The following OTC variants were observed in gnomAD, a reference collection of about 807,000 sequenced individuals.
The protein encoded by OTC is ornithine transcarbamylase, also known as ornithine transcarbamylase, mitochondrial.
In OTC, 3 loss-of-function variants were observed where a neutral mutation model predicts 30.3. The observed-to-expected ratio is 0.10, with a 90% confidence interval of 0.05 to 0.26. The LOEUF (loss-of-function observed/expected upper bound fraction) is 0.26. Ranked by LOEUF, OTC falls within the 10% of genes least tolerant of loss-of-function variation. OTC has a pLI of 1.00. For missense variants in OTC, 194 were observed against 260.3 expected (o/e 0.75, Z 1.75); for synonymous variants, 111 against 99.7 (o/e 1.11, Z -0.67).
intron 1 of OTC, among the ~76,000 whole-genome samples, chrX:38,362,233 C>T (rs1275144131): frequency 9.0e-6 from 1 of 111,627 alleles, no homozygotes; most frequent in African/African-American, 3.3e-5. Flanking sequence ...CTATAGTTAA[C>T]AATATGGTGT....
chrX:38,414,339 G>A (rs1406347563), intron 9 of OTC, among the ~76,000 whole-genome samples: 8 of 111,835 alleles, frequency 7.2e-5, no homozygotes, highest in Non-Finnish European at 1.3e-4. Context: ...TATTCACATG[G>A]TTGAAATATT....
At chrX:38,336,523 T>TA in the OTC span, among the ~76,000 whole-genome samples, 4 of 106,052 alleles carry the variant, frequency 3.8e-5, no homozygotes, top group South Asian at 1.3e-3. Flanking sequence ...AGCTCAAAAA[T>TA]AAAAAAAATA....
chrX:38,332,502 TTTTATATATATATATATATA>T, the OTC span, among the ~76,000 whole-genome samples: 8 of 16,436 alleles, frequency 4.9e-4, 1 homozygote, highest in African/African-American at 2.1e-3. Context: ...TAGCCCTAGA[TTTTATATATATATATATATA>T]TATATATATA....
chrX:38,368,388 C>G (rs2068307655), intron 2 of OTC, among the ~76,000 whole-genome samples: 1 of 110,481 alleles, frequency 9.1e-6, no homozygotes, highest in African/African-American at 3.3e-5. Context: ...CCTTTTTTTC[C>G]AAGTGACAAA....
In OTC at chrX:38,387,284, A is replaced by G. The variant is rs1416521607; in HGVS notation, c.386+5855A>G. Reference sequence around the variant, plus strand: ...CTGTTGATTGTTTCTTTTGCTATGCAGAAGCTTTTTAGATCTCATTTGAAG... The same window carrying G: ...CTGTTGATTGTTTCTTTTGCTATGCGGAAGCTTTTTAGATCTCATTTGAAG... On this transcript the variant is annotated intron_variant, in intron 4 of 9. Transcript: ENST00000039007. Among the ~76,000 whole-genome samples the G allele has an allele frequency of 2.7e-5, 3 of 111,983 alleles. No individual in the cohort carries two copies. In the East Asian group the frequency reaches 8.3e-4, roughly 31 times the overall value.
chrX:38,370,692 C>T lies in OTC; in HGVS notation c.298+815C>T, dbSNP rs576164043. ...GGAAACTGGGATTCAATCTGAGAGG[C>T]GGGAAGACAACTAGCAGGACTCTTG... On this transcript the variant is annotated intron_variant, in intron 3 of 9. Coordinates refer to ENST00000039007, the MANE Select transcript of OTC (RefSeq NM_000531.6). Among the ~76,000 whole-genome samples the T allele has an allele frequency of 9.0e-5, 10 of 111,212 alleles. No individual in the cohort carries two copies. The South Asian group carries it at 1.5e-3, about 17-fold the overall frequency.
the OTC span, among the ~76,000 whole-genome samples, chrX:38,331,431 G>GTT: frequency 2.2e-4 from 16 of 73,441 alleles, no homozygotes; most frequent in East Asian, 4.2e-4. Flanking sequence ...TTTTTTTTTT[G>GTT]TTTTTTTTTT....
chrX:38,404,796 T>C (rs1162880770), intron 6 of OTC, among the ~76,000 whole-genome samples: 1 of 110,946 alleles, frequency 9.0e-6, no homozygotes, highest in Non-Finnish European at 1.9e-5. Flanking sequence ...CCTGATTTGC[T>C]CAAGATCAAG....
At chrX:38,328,095 ACACAAAGG>A in the OTC span, among the ~76,000 whole-genome samples, 2 of 112,599 alleles carry the variant, frequency 1.8e-5, no homozygotes, top group Non-Finnish European at 3.8e-5. Flanking sequence ...CACAGAACAT[ACACAAAGG>A]GGTAGCCCAA....
the OTC span, among the ~76,000 whole-genome samples, chrX:38,340,648 TAAG>T: frequency 3.6e-5 from 4 of 109,870 alleles, no homozygotes; most frequent in African/African-American, 6.7e-5. Flanking sequence ...ATGAAACAAA[TAAG>T]AAGAATCAAA....
intron 1 of OTC, among the ~76,000 whole-genome samples, chrX:38,361,992 A>G (rs975372653): frequency 1.1e-4 from 12 of 111,551 alleles, no homozygotes; most frequent in African/African-American, 3.9e-4. Flanking sequence ...AAAAAAAAAC[A>G]GTTTTGGAGG....
rs776283373 is a variant in OTC, at chrX:38,410,039, CTTAT to C, written c.867+1024_867+1027del. On this transcript the variant is annotated intron_variant, in intron 8 of 9. Coordinates refer to ENST00000039007, the MANE Select transcript of OTC (RefSeq NM_000531.6). ...TTTGTAAATGATATTTTAGACATTA[CTTAT>C]TTATTTATTATTATTCTTACTTTTT... Among the ~76,000 whole-genome samples the C allele has an allele frequency of 4.5e-4, 50 of 111,278 alleles. 1 individual carries two copies. The East Asian group carries it at 5.9e-3, about 13-fold the overall frequency.
chrX:38,396,255 C>T (rs1272837079), intron 4 of OTC, among the ~76,000 whole-genome samples: 1 of 110,367 alleles, frequency 9.1e-6, no homozygotes, highest in East Asian at 2.8e-4. Flanking sequence ...AGCCACTGCA[C>T]CCTGCCATGG....
intron 2 of OTC, 56 bp from the exon 3 acceptor site, chrX:38,369,740 A>T: frequency 1.6e-6 from 1 of 611,950 alleles, no homozygotes. Context: ...ATATGTTTTA[A>T]AACATAATTT....
intron 1 of OTC, among the ~76,000 whole-genome samples, chrX:38,353,180 T>A (rs1475166531): frequency 8.9e-6 from 1 of 112,245 alleles, no homozygotes; most frequent in Non-Finnish European, 1.9e-5. Context: ...AAGTAGCAAC[T>A]AATAAATACT....
intron 9 of OTC, among the ~76,000 whole-genome samples, chrX:38,412,928 G>A (rs1276025712): frequency 8.9e-6 from 1 of 111,861 alleles, no homozygotes; most frequent in Non-Finnish European, 1.9e-5. Flanking sequence ...GACACAGCCT[G>A]GTACCTGAGG....
intron 6 of OTC, among the ~76,000 whole-genome samples, chrX:38,404,412 G>A (rs1402927312): frequency 8.9e-6 from 1 of 111,904 alleles, no homozygotes; most frequent in Non-Finnish European, 1.9e-5. Context: ...GAGGTTTGAG[G>A]ATAGAGGTAG....
intron 3 of OTC, among the ~76,000 whole-genome samples, chrX:38,372,576 T>C (rs1352701175): frequency 8.0e-5 from 9 of 112,256 alleles, no homozygotes; most frequent in Non-Finnish European, 1.3e-4. Flanking sequence ...TCGTAAATAA[T>C]AACAACAAAT....
At chrX:38,412,575 G>A (rs2068549322) in intron 9 of OTC, among the ~76,000 whole-genome samples, 1 of 111,948 alleles carries the variant, frequency 8.9e-6, no homozygotes, top group African/African-American at 3.2e-5. Context: ...CTTCATCACT[G>A]TCATTCTAGG....
Sources: allele counts gnomAD v4.1 joint callset (sites outside exome capture counted in the v4.1 genomes callset), GRCh38; gene constraint gnomAD v4.1.1; transcripts MANE v1.5; gene names NCBI Gene and HGNC (gene_info 2026-07-23, HGNC 2026-07-21).